The following PLCB1 variants were observed in gnomAD, a reference collection of about 807,000 sequenced individuals.
The protein encoded by PLCB1 is 1-phosphatidylinositol 4,5-bisphosphate phosphodiesterase beta-1.
Under a neutral mutation model 161.8 loss-of-function variants are expected in PLCB1, and 46 were observed. That is an observed-to-expected ratio of 0.28 (90% confidence interval 0.22 to 0.36). PLCB1 has a LOEUF of 0.36. Ranked by LOEUF, PLCB1 falls within the 10% of genes least tolerant of loss-of-function variation. The pLI, the probability that PLCB1 is intolerant of heterozygous loss-of-function variation, is 1.00. For missense variants in PLCB1, 1,016 were observed against 1,472.5 expected (o/e 0.69, Z 5.07); for synonymous variants, 517 against 503.7 (o/e 1.03, Z -0.35).
intron 3 of PLCB1, among the ~76,000 whole-genome samples, chr20:8,514,715 TA>T (rs1009674276): frequency 6.6e-5 from 10 of 152,200 alleles, no homozygotes; most frequent in Non-Finnish European, 1.3e-4. Flanking sequence ...GGCTAAAAGT[TA>T]AAACAAAAAC....
intron 2 of PLCB1, among the ~76,000 whole-genome samples, chr20:8,196,521 C>G (rs964872394): frequency 6.6e-6 from 1 of 151,758 alleles, no homozygotes; most frequent in Non-Finnish European, 1.5e-5. Flanking sequence ...GGTGTTCTTA[C>G]TAGCTGGGTT....
At chr20:8,665,108 A>G (rs890336577) in intron 9 of PLCB1, among the ~76,000 whole-genome samples, 8 of 152,202 alleles carry the variant, frequency 5.3e-5, no homozygotes, top group Non-Finnish European at 1.0e-4. Flanking sequence ...TTCCTAAAGG[A>G]AGGAATAGTG....
chr20:8,247,369 TATC>T (rs1442615356), intron 2 of PLCB1, among the ~76,000 whole-genome samples: 2 of 151,972 alleles, frequency 1.3e-5, no homozygotes, highest in Non-Finnish European at 2.9e-5. Flanking sequence ...TCATTCAACA[TATC>T]ATTTCTTCTT....
At chr20:8,422,784 C>G (rs1568669998) in intron 3 of PLCB1, among the ~76,000 whole-genome samples, 1 of 152,108 alleles carries the variant, frequency 6.6e-6, no homozygotes, top group Non-Finnish European at 1.5e-5. Flanking sequence ...TCAGCGTTAC[C>G]AGCAATCCAG....
At chr20:8,306,474 C>T (rs1984142121) in intron 2 of PLCB1, 1 of 152,192 alleles carries the variant, frequency 6.6e-6, no homozygotes, top group South Asian at 2.1e-4. Context: ...TTTGGATTGA[C>T]TCCTAGATCG....
intron 2 of PLCB1, among the ~76,000 whole-genome samples, chr20:8,205,509 C>A (rs142353552): frequency 5.8e-4 from 88 of 152,018 alleles, no homozygotes; most frequent in African/African-American, 1.8e-3. Context: ...CAAATAAATT[C>A]CAAGAAAAAA....
intron 27 of PLCB1, among the ~76,000 whole-genome samples, chr20:8,783,967 G>A (rs1034353871): frequency 1.3e-5 from 2 of 152,062 alleles, no homozygotes; most frequent in African/African-American, 4.8e-5. Flanking sequence ...GAAGCATGTG[G>A]GTGAGGCCAT....
intron 3 of PLCB1, among the ~76,000 whole-genome samples, chr20:8,424,428 A>C (rs1979662845): frequency 6.6e-6 from 1 of 152,094 alleles, no homozygotes; most frequent in Non-Finnish European, 1.5e-5. Flanking sequence ...TATTTCTATG[A>C]TGCAGCACTC....
At chr20:8,196,847 T>C (rs973991672) in intron 2 of PLCB1, among the ~76,000 whole-genome samples, 1 of 149,720 alleles carries the variant, frequency 6.7e-6, no homozygotes, top group Non-Finnish European at 1.5e-5. Context: ...GGCCCCAGTG[T>C]GTGATGTCCC....
At chr20:8,863,608 T>C (rs1288460829) in intron 31 of PLCB1, among the ~76,000 whole-genome samples, 2 of 152,214 alleles carry the variant, frequency 1.3e-5, no homozygotes, top group Admixed American at 6.5e-5. Flanking sequence ...GAGACCTCAA[T>C]TTGGGAGCTT....
At chr20:8,707,968 G>A (rs377127385) in intron 11 of PLCB1, among the ~76,000 whole-genome samples, 19 of 152,210 alleles carry the variant, frequency 1.2e-4, no homozygotes, top group East Asian at 9.7e-4. Context: ...ATTAGAATAG[G>A]CAAATCTATG....
intron 2 of PLCB1, among the ~76,000 whole-genome samples, chr20:8,219,273 A>G (rs1979289307): frequency 6.6e-6 from 1 of 152,184 alleles, no homozygotes; most frequent in Non-Finnish European, 1.5e-5. Flanking sequence ...TGAGAGTATT[A>G]TATTGTCTTT....
chr20:8,168,384 G>A (rs566249040), intron 2 of PLCB1, among the ~76,000 whole-genome samples: 2 of 152,186 alleles, frequency 1.3e-5, no homozygotes, highest in African/African-American at 4.8e-5. Flanking sequence ...AAGGCAATAT[G>A]AAGTACCCCA....
chr20:8,572,028 TAAA>T (rs898507872), intron 3 of PLCB1, among the ~76,000 whole-genome samples: 1 of 151,700 alleles, frequency 6.6e-6, no homozygotes, highest in Non-Finnish European at 1.5e-5. Context: ...TCATTCTAAG[TAAA>T]AAAAAATTAA....
chr20:8,213,692 G>T (rs8123861), intron 2 of PLCB1, among the ~76,000 whole-genome samples: 31,847 of 151,158 alleles, frequency 0.21, 3,431 homozygotes, highest in South Asian at 0.28. Context: ...TGGTGGTGGT[G>T]GTGTGTGTGT....
At chr20:8,663,441 C>G (rs192455076) in intron 9 of PLCB1, among the ~76,000 whole-genome samples, 1 of 151,972 alleles carries the variant, frequency 6.6e-6, no homozygotes, top group African/African-American at 2.4e-5. Context: ...CCAAAGCCGA[C>G]CATAGTTTAG....
intron 7 of PLCB1, among the ~76,000 whole-genome samples, chr20:8,656,263 G>A (rs1222694191): frequency 6.6e-6 from 1 of 152,004 alleles, no homozygotes; most frequent in Admixed American, 6.6e-5. Flanking sequence ...CGGGTCTTCT[G>A]CTGTCTGCCA....
At chr20:8,387,209 C>G (rs708921) in intron 3 of PLCB1, among the ~76,000 whole-genome samples, 35,619 of 152,124 alleles carry the variant, frequency 0.23, 4,435 homozygotes, top group South Asian at 0.44. Flanking sequence ...CCTATCTTGG[C>G]TTTTGACACG....
intron 3 of PLCB1, among the ~76,000 whole-genome samples, chr20:8,372,346 T>C (rs1242917848): frequency 6.6e-5 from 10 of 152,022 alleles, no homozygotes; most frequent in Non-Finnish European, 1.0e-4. Context: ...GCTTTGGAGA[T>C]GCAAGAAAAA....
Sources: allele counts gnomAD v4.1 joint callset (sites outside exome capture counted in the v4.1 genomes callset), GRCh38; gene constraint gnomAD v4.1.1; transcripts MANE v1.5; gene names NCBI Gene and HGNC (gene_info 2026-07-23, HGNC 2026-07-21).